PDE11A: variants seen among roughly 807,000 people sequenced by gnomAD.
PDE11A encodes phosphodiesterase 11A.
A neutral mutation model predicts 100.5 loss-of-function variants in PDE11A; 100 were observed. The ratio of observed to expected loss-of-function variants is 1.00; its 90% CI spans 0.85 to 1.18. PDE11A has a LOEUF of 1.18. PDE11A is among the 50% of genes most tolerant of loss of function. PDE11A has a pLI of 0.00. For missense variants in PDE11A, 1,141 were observed against 1,152.6 expected, an observed-to-expected ratio of 0.99 and a Z score of 0.15; for synonymous variants, 381 against 420.8, an observed-to-expected ratio of 0.91 and a Z score of 1.16.
chr2:177,913,341 T>C (rs1049537468), intron 2 of PDE11A, among the ~76,000 whole-genome samples: 2 of 152,194 alleles, frequency 1.3e-5, no homozygotes, highest in Admixed American at 6.5e-5. Flanking sequence ...ACACAACTTA[T>C]ATAGCGCTTT....
intron 10 of PDE11A, 48 bp downstream of exon 10, chr2:177,769,272 CAGG>C: frequency 9.6e-7 from 1 of 1,037,462 alleles, no homozygotes; most frequent in Non-Finnish European, 1.5e-6. Context: ...CTCAGGAGGC[CAGG>C]AGAAGTTTAA....
At chr2:178,074,524 GAGA>G (rs1489421622), upstream of PDE11A, among the ~76,000 whole-genome samples, 3 of 152,198 alleles carry the variant, frequency 2.0e-5, no homozygotes, top group Non-Finnish European at 2.9e-5. Context: ...AGGGAAGTGA[GAGA>G]AGTAGACCAA....
At chr2:177,986,735 G>A (rs1433094035) in intron 2 of PDE11A, among the ~76,000 whole-genome samples, 1 of 151,898 alleles carries the variant, frequency 6.6e-6, no homozygotes, top group African/African-American at 2.4e-5. Context: ...GGAGGCTGAG[G>A]CAGGAGAATC....
At chr2:177,775,224 T>C (rs1455403379) in intron 9 of PDE11A, among the ~76,000 whole-genome samples, 1 of 152,188 alleles carries the variant, frequency 6.6e-6, no homozygotes, top group Non-Finnish European at 1.5e-5. Context: ...AAGTATGTGT[T>C]GTTTTAATCC....
At chr2:177,783,041 G>A (rs190617785) in intron 9 of PDE11A, among the ~76,000 whole-genome samples, 275 of 152,212 alleles carry the variant, frequency 1.8e-3, no homozygotes, top group Non-Finnish European at 2.6e-3. Context: ...CATTAATCTC[G>A]TACAGTCTCA....
chr2:178,079,868 T>C (rs957027350), intron 2 of PDE11A, among the ~76,000 whole-genome samples: 1 of 152,230 alleles, frequency 6.6e-6, no homozygotes, highest in Non-Finnish European at 1.5e-5. Context: ...TATCTCATTG[T>C]GGTTTTCATT....
chr2:177,754,300 A>C (rs1234763570), intron 10 of PDE11A, among the ~76,000 whole-genome samples: 1 of 152,224 alleles, frequency 6.6e-6, no homozygotes, highest in African/African-American at 2.4e-5. Context: ...CTGAGTCTAC[A>C]TTCAGGCATC....
intron 10 of PDE11A, among the ~76,000 whole-genome samples, chr2:177,768,882 C>T (rs2082273201): frequency 6.6e-6 from 1 of 152,094 alleles, no homozygotes; most frequent in Non-Finnish European, 1.5e-5. Context: ...TGAATTAATG[C>T]AGGTAAAACG....
intron 1 of PDE11A, among the ~76,000 whole-genome samples, chr2:178,042,575 A>G (rs1299772035): frequency 6.6e-6 from 1 of 152,154 alleles, no homozygotes; most frequent in African/African-American, 2.4e-5. Flanking sequence ...CCTTACGTAT[A>G]CAACTTTAAA....
At chr2:177,722,309 A>C (rs1473656733) in intron 12 of PDE11A, among the ~76,000 whole-genome samples, 2 of 152,256 alleles carry the variant, frequency 1.3e-5, no homozygotes, top group East Asian at 3.9e-4. Context: ...GCTCTGGCTG[A>C]TGGTGCGGGA....
intron 6 of PDE11A, among the ~76,000 whole-genome samples, chr2:177,824,500 T>G (rs536707880): frequency 1.3e-5 from 2 of 152,338 alleles, no homozygotes; most frequent in South Asian, 4.1e-4. Flanking sequence ...GCATCCATAA[T>G]GTGTGTGAAC....
chr2:178,023,490 C>A (rs1197157825), intron 1 of PDE11A, among the ~76,000 whole-genome samples: 1 of 152,110 alleles, frequency 6.6e-6, no homozygotes, highest in East Asian at 1.9e-4. Flanking sequence ...CTCTTTTATT[C>A]CCTCTGTATT....
intron 2 of PDE11A, among the ~76,000 whole-genome samples, chr2:178,088,379 A>G (rs942379269): frequency 1.3e-5 from 2 of 152,232 alleles, no homozygotes; most frequent in Admixed American, 1.3e-4. Context: ...CAATTCAAAA[A>G]ATTATTCTTC....
intron 12 of PDE11A, among the ~76,000 whole-genome samples, chr2:177,715,871 T>A (rs976897064): frequency 2.0e-5 from 3 of 152,220 alleles, no homozygotes; most frequent in Non-Finnish European, 4.4e-5. Context: ...TTCTTAAGAG[T>A]AAAGCATCAC....
intron 12 of PDE11A, among the ~76,000 whole-genome samples, chr2:177,720,492 C>T (rs532058052): frequency 6.6e-6 from 1 of 152,070 alleles, no homozygotes; most frequent in African/African-American, 2.4e-5. Flanking sequence ...CATACTCCCT[C>T]GGCATTTACA....
intron 9 of PDE11A, among the ~76,000 whole-genome samples, chr2:177,779,485 C>T (rs961154394): frequency 1.3e-5 from 2 of 152,228 alleles, no homozygotes; most frequent in Non-Finnish European, 2.9e-5. Context: ...TCAATTCCTG[C>T]CACTGTTTTG....
chr2:177,926,418 G>T (rs1367424604), intron 2 of PDE11A, among the ~76,000 whole-genome samples: 1 of 152,086 alleles, frequency 6.6e-6, no homozygotes, highest in Non-Finnish European at 1.5e-5. Flanking sequence ...ATGTCTAAAA[G>T]AATCAGCTTA....
intron 3 of PDE11A, among the ~76,000 whole-genome samples, chr2:177,901,621 T>G (rs563675986): frequency 2.6e-5 from 4 of 152,266 alleles, no homozygotes; most frequent in Non-Finnish European, 5.9e-5. Context: ...TGAAAAAACT[T>G]TTAAGTGAAT....
chr2:177,763,072 T>C (rs564391863), intron 10 of PDE11A, among the ~76,000 whole-genome samples: 1 of 152,290 alleles, frequency 6.6e-6, no homozygotes, highest in South Asian at 2.1e-4. Flanking sequence ...CAGCCGGACA[T>C]TTGAACGCGA....
Sources: gnomAD v4.1 joint callset for allele counts (sites outside exome capture counted in the v4.1 genomes callset) on GRCh38, gnomAD v4.1.1 for gene constraint, MANE v1.5 for transcripts, NCBI Gene and HGNC (gene_info 2026-07-23, HGNC 2026-07-21) for gene names.